Variants in CNTN5 observed in about 807,000 individuals in gnomAD.
The protein encoded by CNTN5 is contactin 5.
In CNTN5, 77 loss-of-function variants were observed where a neutral mutation model predicts 129.1. The ratio of observed to expected loss-of-function variants is 0.60; its 90% CI spans 0.50 to 0.72. The LOEUF (loss-of-function observed/expected upper bound fraction) is 0.72, where lower values mean the gene tolerates loss of function less well. Among genes scored for constraint, CNTN5 ranks in the 30% least tolerant of loss-of-function variants. The pLI, the probability that CNTN5 is intolerant of heterozygous loss-of-function variation, is 0.00. For synonymous variants in CNTN5, 509 were observed against 465.6 expected (o/e 1.09, Z -1.20); for missense variants, 1,478 against 1,328.8 (o/e 1.11, Z -1.75).
At chr11:99,602,259 T>C (rs1169942668) in intron 3 of CNTN5, among the ~76,000 whole-genome samples, 1 of 152,124 alleles carries the variant, frequency 6.6e-6, no homozygotes, top group Non-Finnish European at 1.5e-5. Flanking sequence ...TTCTAGTTTC[T>C]ATCTTGATTA....
At chr11:99,409,486 A>G (rs1942290040) in intron 2 of CNTN5, among the ~76,000 whole-genome samples, 2 of 152,234 alleles carry the variant, frequency 1.3e-5, no homozygotes, top group Non-Finnish European at 2.9e-5. Flanking sequence ...TAAAAAAATA[A>G]ATAAATAAAG....
At chr11:99,247,760 C>T (rs1861889804) in intron 1 of CNTN5, among the ~76,000 whole-genome samples, 1 of 152,004 alleles carries the variant, frequency 6.6e-6, no homozygotes, top group Non-Finnish European at 1.5e-5. Flanking sequence ...TGGTTTCCAG[C>T]TTCATCCATG....
At chr11:99,761,376 A>T (rs1209505939) in intron 3 of CNTN5, among the ~76,000 whole-genome samples, 1 of 152,110 alleles carries the variant, frequency 6.6e-6, no homozygotes, top group African/African-American at 2.4e-5. Context: ...CTAACTTGTC[A>T]TCTAGCATTA....
At chr11:99,581,318 G>A (rs1279551469) in intron 3 of CNTN5, among the ~76,000 whole-genome samples, 259 of 122,078 alleles carry the variant, frequency 2.1e-3, no homozygotes, top group Middle Eastern at 8.5e-3. Flanking sequence ...GTTGATTTGG[G>A]GTGGAGAGTT....
chr11:99,758,414 A>G (rs1033217918), intron 3 of CNTN5, among the ~76,000 whole-genome samples: 1 of 152,086 alleles, frequency 6.6e-6, no homozygotes, highest in African/African-American at 2.4e-5. Flanking sequence ...AAGCATTATT[A>G]GGAAAATGAA....
intron 18 of CNTN5, among the ~76,000 whole-genome samples, chr11:100,271,590 C>CT (rs75555578): frequency 0.2 from 31,093 of 151,996 alleles, 4,459 homozygotes; most frequent in East Asian, 0.62. Context: ...GGTTCACCTT[C>CT]TTTTTTTCCA....
chr11:99,049,049 T>C (rs1424115487), intron 1 of CNTN5, among the ~76,000 whole-genome samples: 1 of 152,134 alleles, frequency 6.6e-6, no homozygotes, highest in East Asian at 1.9e-4. Flanking sequence ...TTGGGAAACA[T>C]GGTATAGTAT....
At chr11:100,050,683 A>C (rs1435539573) in intron 9 of CNTN5, among the ~76,000 whole-genome samples, 1 of 151,930 alleles carries the variant, frequency 6.6e-6, no homozygotes, top group Non-Finnish European at 1.5e-5. Context: ...TACTATCTGC[A>C]AGAAAGCAAC....
chr11:99,305,621 G>A (rs1459579876), intron 1 of CNTN5, among the ~76,000 whole-genome samples: 1 of 152,126 alleles, frequency 6.6e-6, no homozygotes, highest in African/African-American at 2.4e-5. Flanking sequence ...GTTAGTGCTA[G>A]TCAGAATTGC....
chr11:99,870,026 C>T (rs932673152), intron 6 of CNTN5, among the ~76,000 whole-genome samples: 1 of 152,050 alleles, frequency 6.6e-6, no homozygotes, highest in African/African-American at 2.4e-5. Context: ...TAAAAGGCAC[C>T]ACTCTCAGTG....
intron 3 of CNTN5, among the ~76,000 whole-genome samples, chr11:99,609,075 A>G (rs1216517797): frequency 6.6e-6 from 1 of 152,168 alleles, no homozygotes; most frequent in African/African-American, 2.4e-5. Context: ...TCTTCCTGGA[A>G]ATGACGTGGT....
intron 1 of CNTN5, among the ~76,000 whole-genome samples, chr11:99,123,746 A>AT (rs1858476288): frequency 1.3e-5 from 2 of 151,520 alleles, no homozygotes; most frequent in Non-Finnish European, 2.9e-5. Flanking sequence ...AAGGGGTCCA[A>AT]TTTCAATCTT....
chr11:99,237,763 A>G (rs1468294997), intron 1 of CNTN5, among the ~76,000 whole-genome samples: 13 of 152,184 alleles, frequency 8.5e-5, no homozygotes, highest in Non-Finnish European at 2.9e-5. Flanking sequence ...AAACAAAACT[A>G]TAGAGATAAT....
intron 7 of CNTN5, among the ~76,000 whole-genome samples, chr11:99,927,603 C>G (rs374505736): frequency 9.9e-5 from 15 of 151,978 alleles, no homozygotes; most frequent in East Asian, 3.9e-4. Flanking sequence ...CGGAAAAGCC[C>G]CTTACAAAAC....
At chr11:99,902,242 G>GT (rs35494270) in intron 6 of CNTN5, among the ~76,000 whole-genome samples, 27,685 of 143,658 alleles carry the variant, frequency 0.19, 3,120 homozygotes, top group East Asian at 0.34. Flanking sequence ...AAGCTAAGGA[G>GT]TTTTTTTTTT....
chr11:100,332,186 A>G (rs114799055), intron 21 of CNTN5, among the ~76,000 whole-genome samples: 1,622 of 152,236 alleles, frequency 0.011, 24 homozygotes, highest in African/African-American at 0.037. Flanking sequence ...ACAAAAGACC[A>G]TTCAAGGCTA....
At chr11:99,837,344 T>G (rs1160971859) in intron 4 of CNTN5, among the ~76,000 whole-genome samples, 1 of 152,208 alleles carries the variant, frequency 6.6e-6, no homozygotes, top group East Asian at 1.9e-4. Flanking sequence ...AACATGTTTC[T>G]TTTGTATTCA....
chr11:100,074,132 C>G lies in CNTN5; in HGVS notation c.1430-12C>G. 11 of 1,603,738 alleles carry G rather than the reference C, an allele frequency of 6.9e-6. No individual in the cohort carries two copies. The highest frequency in any genetic ancestry group is 9.4e-6 in the Non-Finnish European group (11 of 1,176,390). The stretch of plus-strand genomic sequence containing the variant: ...TGCTTCTGGTAGAAACTAACATTTG[C>G]TTTTTTAATAGCTTCAGCTCCCACT... On this transcript the variant is annotated splice_polypyrimidine_tract_variant and intron_variant, in intron 12 of 24. Transcript: ENST00000524871.
chr11:100,231,129 A>C (rs1181029362), intron 16 of CNTN5, among the ~76,000 whole-genome samples: 1 of 152,170 alleles, frequency 6.6e-6, no homozygotes, highest in Non-Finnish European at 1.5e-5. Context: ...ATTGGAATAA[A>C]TGCTTTCTGA....
Sources: gnomAD v4.1 joint callset for allele counts (sites outside exome capture counted in the v4.1 genomes callset) on GRCh38, gnomAD v4.1.1 for gene constraint, MANE v1.5 for transcripts, NCBI Gene and HGNC (gene_info 2026-07-23, HGNC 2026-07-21) for gene names.